ABHD6: variants seen among roughly 807,000 people sequenced by gnomAD.
ABHD6 encodes the protein monoacylglycerol lipase ABHD6.
Under a neutral mutation model 38.8 loss-of-function variants are expected in ABHD6, and 33 were observed. The observed-to-expected ratio is 0.85, with a 90% confidence interval of 0.64 to 1.14. The LOEUF (loss-of-function observed/expected upper bound fraction) is 1.14, where lower values mean the gene tolerates loss of function less well. Ranked by LOEUF, ABHD6 falls within the 50% of genes most tolerant of loss-of-function variation. ABHD6 has a pLI of 0.00. For missense variants in ABHD6, 380 were observed against 422.6 expected, an observed-to-expected ratio of 0.90 and a Z score of 0.88; for synonymous variants, 147 against 161.6, an observed-to-expected ratio of 0.91 and a Z score of 0.69.
At chr3:58,255,390 C>G (rs544233131) in intron 2 of ABHD6, among the ~76,000 whole-genome samples, 176 of 152,054 alleles carry the variant, frequency 1.2e-3, no homozygotes, top group Non-Finnish European at 2.3e-3. Flanking sequence ...CACCTTAGAT[C>G]AATCACTGTT....
chr3:58,245,827 A>AAAAGAAAG lies in ABHD6; in HGVS notation c.-90-4044_-90-4037dup, dbSNP rs57659822. Among the ~76,000 whole-genome samples, 98 of 151,008 alleles carry AAAAGAAAG rather than the reference A, an allele frequency of 6.5e-4. 2 individuals carry two copies. The highest frequency in any genetic ancestry group is 3.4e-3 in the Middle Eastern group (1 of 290). ...AGGAGAGAGAAGAAAGAAAGAAAGA[A>AAAAGAAAG]AAAGAAAGAAAGAACAAAAAAAGAA... On this transcript the variant is annotated intron_variant, in intron 1 of 9. Transcript: ENST00000478253.
intron 6 of ABHD6, among the ~76,000 whole-genome samples, chr3:58,272,056 C>T (rs2107457288): frequency 6.6e-6 from 1 of 152,228 alleles, no homozygotes; most frequent in East Asian, 1.9e-4. Flanking sequence ...TGCCCGCCTC[C>T]ACCTCCCAAA....
At chr3:58,254,549 TTAAG>T (rs1260620597) in intron 2 of ABHD6, among the ~76,000 whole-genome samples, 3 of 152,164 alleles carry the variant, frequency 2.0e-5, no homozygotes, top group African/African-American at 7.2e-5. Context: ...TCAAATTGAA[TTAAG>T]TATCAGTCGA....
At chr3:58,248,518 G>A (rs754884944) in intron 1 of ABHD6, among the ~76,000 whole-genome samples, 13 of 152,146 alleles carry the variant, frequency 8.5e-5, no homozygotes, top group Admixed American at 5.9e-4. Flanking sequence ...GACCAACATG[G>A]AGAAACCCCG....
chr3:58,239,099 GA>G (rs2097421065), intron 1 of ABHD6, among the ~76,000 whole-genome samples: 1 of 151,874 alleles, frequency 6.6e-6, no homozygotes, highest in South Asian at 2.1e-4. Context: ...TCTGGCCTCA[GA>G]ACCACCCCCT....
chr3:58,253,980 C>T (rs1458165305), intron 2 of ABHD6, among the ~76,000 whole-genome samples: 1 of 152,152 alleles, frequency 6.6e-6, no homozygotes, highest in Admixed American at 6.5e-5. Flanking sequence ...TAGGCAAAAC[C>T]TCTTGAAGAT....
rs1408734809 is a variant in ABHD6 at position 58,287,279 on chromosome 3, A to G, written c.837+1826A>G. Among the ~76,000 whole-genome samples the G allele has an allele frequency of 1.3e-5, 2 of 151,954 alleles. No individual in the cohort carries two copies. The highest frequency in any genetic ancestry group is 3.9e-4 in the East Asian group (2 of 5,166). ...AGCCTGGGCCACAGGGCGGGATCCT[A>G]TCTCAAAAAAATAAAAATAAAAAAG... On this transcript the variant is annotated intron_variant, in intron 9 of 9. Transcript: ENST00000478253. The surrounding 1 kb of genome is among the most constrained non-coding windows in gnomAD (Gnocchi z 4.7).
intron 5 of ABHD6, 33 bp from the exon 6 acceptor site, chr3:58,270,899 A>G (rs376769530): frequency 1.5e-5 from 23 of 1,579,568 alleles, no homozygotes; most frequent in South Asian, 1.4e-4. Flanking sequence ...CTACAGCTGT[A>G]TAACCAAGCT....
In ABHD6 at chr3:58,293,507, T is replaced by G. The variant is rs146563096; in HGVS notation, c.838-82T>G. ...CTGCCCCACTGACCCCTGCCAGGCCTTGGTGGAAGTTCTGTCCACAGAGTG... is the reference window on the plus strand; with the variant it reads ...CTGCCCCACTGACCCCTGCCAGGCCGTGGTGGAAGTTCTGTCCACAGAGTG... On this transcript the variant is annotated intron_variant, in intron 9 of 9. Transcript: ENST00000478253. This position sits in a 1 kb window ranked among gnomAD's most constrained non-coding sequence, Gnocchi z 4.4. The G allele has an allele frequency of 3.8e-4, 565 of 1,491,604 alleles. 3 individuals are homozygous for G. In the African/African-American group the frequency reaches 6.2e-3, roughly 16 times the overall value. 92.4% of individuals were successfully genotyped at this position (1,491,604 alleles called of 1,614,324 possible). A position where few individuals can be genotyped will look rare whatever the true frequency, so the allele number is the denominator to read the frequency against.
At chr3:58,292,136 G>A (rs2097463715) in intron 9 of ABHD6, among the ~76,000 whole-genome samples, 1 of 152,218 alleles carries the variant, frequency 6.6e-6, no homozygotes, top group Non-Finnish European at 1.5e-5. Context: ...TCCTTGGCTG[G>A]AATTAGCTGT....
chr3:58,243,579 G>C (rs1338435179), intron 1 of ABHD6, among the ~76,000 whole-genome samples: 2 of 151,878 alleles, frequency 1.3e-5, no homozygotes, highest in Non-Finnish European at 1.5e-5. Context: ...AGCCAGTGCA[G>C]GTATAGTCAT....
At chr3:58,262,826 T>C (rs1426418556) in intron 3 of ABHD6, among the ~76,000 whole-genome samples, 3 of 152,288 alleles carry the variant, frequency 2.0e-5, no homozygotes, top group East Asian at 3.9e-4. Flanking sequence ...TCCCAACACT[T>C]TGGGAGGCTG....
Position 58,272,155 on chromosome 3 carries a change from A to G in ABHD6, c.523+1091A>G, listed in dbSNP as rs115273790. Among the ~76,000 whole-genome samples the G allele has an allele frequency of 2.6e-3, 393 of 152,184 alleles. 2 individuals are homozygous for G. Among genetic ancestry groups the G allele is most frequent in the African/African-American group, 9.1e-3 (379 of 41,520 alleles). On this transcript the variant is annotated intron_variant, in intron 6 of 9. Coordinates refer to ENST00000478253, the MANE Select transcript of ABHD6 (RefSeq NM_001320126.2). ...TTGGGGTATCATTTACACATAGTAA[A>G]TTGTCTAAATTTAAATGTGCATCTC...
At position 58,259,378 on chromosome 3, in the gene ABHD6, T is replaced by A. The variant is rs115158709; in HGVS notation, c.119+2673T>A. Among the ~76,000 whole-genome samples, 280 of 152,306 alleles carry A rather than the reference T, an allele frequency of 1.8e-3. 2 individuals are homozygous for A. The highest frequency in any genetic ancestry group is 6.3e-3 in the African/African-American group (261 of 41,568). On this transcript the variant is annotated intron_variant, in intron 3 of 9. Transcript: ENST00000478253. This position sits in a 1 kb window ranked among gnomAD's most constrained non-coding sequence, Gnocchi z 4.7. ...AATTCACATAACATAAAAGTCACCA[T>A]TTTAAAGTGTACAATTCAAGGCTGG...
intron 1 of ABHD6, among the ~76,000 whole-genome samples, chr3:58,239,801 C>T (rs375624144): frequency 9.9e-4 from 149 of 150,662 alleles, no homozygotes; most frequent in African/African-American, 3.5e-3. Context: ...ATCCTGGGGG[C>T]GAGAAGTTAG....
intron 3 of ABHD6, among the ~76,000 whole-genome samples, chr3:58,258,896 C>T (rs528460690): frequency 6.6e-6 from 1 of 152,300 alleles, no homozygotes; most frequent in South Asian, 2.1e-4. Context: ...CCACCTTCTG[C>T]ACTGAGAAAG....
Position 58,238,799 on chromosome 3 carries a change from G to A in ABHD6, c.-91+883G>A, listed in dbSNP as rs575144653. Among the ~76,000 whole-genome samples, 2 of 152,118 alleles carry A rather than the reference G, an allele frequency of 1.3e-5. No individual in the cohort carries two copies. Among genetic ancestry groups the A allele is most frequent in the African/African-American group, 4.8e-5 (2 of 41,412 alleles). On this transcript the variant is annotated intron_variant, in intron 1 of 9. Coordinates refer to ENST00000478253, the MANE Select transcript of ABHD6 (RefSeq NM_001320126.2). The surrounding 1 kb of genome is among the most constrained non-coding windows in gnomAD (Gnocchi z 6.9). The stretch of plus-strand genomic sequence containing the variant: ...TAAAGTGGGGGTCTTACTCCAGCTG[G>A]GACCTGGAGGCCCTCATTTATCTCG...
intron 1 of ABHD6, among the ~76,000 whole-genome samples, chr3:58,240,314 A>C (rs1000304667): frequency 6.6e-6 from 1 of 152,016 alleles, no homozygotes; most frequent in Non-Finnish European, 1.5e-5. Flanking sequence ...CTTGGGCTCA[A>C]GTGATTCTCC....
chr3:58,248,809 T>C (rs35557787), intron 1 of ABHD6, among the ~76,000 whole-genome samples: 19,632 of 152,260 alleles, frequency 0.13, 1,732 homozygotes, highest in African/African-American at 0.24. Flanking sequence ...GAATGCAAAT[T>C]GGTACATTAT....
Sources: gnomAD v4.1 joint callset for allele counts (sites outside exome capture counted in the v4.1 genomes callset) on GRCh38, gnomAD v4.1.1 for gene constraint, Gnocchi (gnomAD v3.1) non-coding constraint, MANE v1.5 for transcripts, NCBI Gene and HGNC (gene_info 2026-07-23, HGNC 2026-07-21) for gene names.